The following AFG2A variants were observed in gnomAD, a reference collection of about 807,000 sequenced individuals.
The protein encoded by AFG2A is ATPase family gene 2 protein homolog A.
the AFG2A span, among the ~76,000 whole-genome samples, chr4:123,182,729 A>G: frequency 3.3e-5 from 5 of 152,202 alleles, no homozygotes; most frequent in African/African-American, 1.2e-4. Flanking sequence ...CAATTGAAAG[A>G]TAGTTAATTC....
chr4:123,266,423 T>A, the AFG2A span, among the ~76,000 whole-genome samples: 4 of 151,982 alleles, frequency 2.6e-5, no homozygotes, highest in African/African-American at 9.7e-5. Flanking sequence ...TTTGTTATAA[T>A]CAGCAAATTT....
the AFG2A span, among the ~76,000 whole-genome samples, chr4:123,194,063 G>A: frequency 2.0e-5 from 3 of 152,154 alleles, no homozygotes; most frequent in East Asian, 1.9e-4. Context: ...TTTCCACTGC[G>A]TCCTAGGGTG....
the AFG2A span, among the ~76,000 whole-genome samples, chr4:123,261,808 CT>C: frequency 6.6e-6 from 1 of 152,046 alleles, no homozygotes; most frequent in Non-Finnish European, 1.5e-5. Flanking sequence ...GAGACAGGGT[CT>C]CATTCTATTG....
chr4:123,171,143 T>C, the AFG2A span, among the ~76,000 whole-genome samples: 44 of 152,324 alleles, frequency 2.9e-4, no homozygotes, highest in South Asian at 6.8e-3. Context: ...TGTATTTCAG[T>C]TTCCATGTCT....
At chr4:122,996,547 A>T in the AFG2A span, among the ~76,000 whole-genome samples, 1,838 of 151,402 alleles carry the variant, frequency 0.012, 42 homozygotes, top group African/African-American at 0.041. Flanking sequence ...AGAGGTAGCT[A>T]GGTAGATAGC....
At chr4:122,939,633 A>ATT in the AFG2A span, among the ~76,000 whole-genome samples, 7 of 147,608 alleles carry the variant, frequency 4.7e-5, no homozygotes, top group South Asian at 4.3e-4. Context: ...GTCATTTAGA[A>ATT]TTTTTTTTTT....
At chr4:123,173,785 A>G in the AFG2A span, among the ~76,000 whole-genome samples, 2 of 152,228 alleles carry the variant, frequency 1.3e-5, no homozygotes, top group African/African-American at 4.8e-5. Context: ...GTCTAAAAGT[A>G]TGCTTTGAAA....
At chr4:123,252,505 AAAG>A in the AFG2A span, among the ~76,000 whole-genome samples, 1 of 152,196 alleles carries the variant, frequency 6.6e-6, no homozygotes, top group African/African-American at 2.4e-5. Flanking sequence ...CTGCTTAGTC[AAAG>A]AAGATAATCT....
the AFG2A span, among the ~76,000 whole-genome samples, chr4:123,234,709 A>AATAT: frequency 6.6e-6 from 1 of 152,174 alleles, no homozygotes; most frequent in Non-Finnish European, 1.5e-5. Flanking sequence ...CAAAGCAAGG[A>AATAT]ATATGGCTTC....
the AFG2A span, among the ~76,000 whole-genome samples, chr4:123,115,400 T>C: frequency 6.6e-6 from 1 of 151,962 alleles, no homozygotes; most frequent in Non-Finnish European, 1.5e-5. Context: ...GCCAGCAGGG[T>C]GGGTGCGGCG....
At chr4:123,017,372 T>C in the AFG2A span, among the ~76,000 whole-genome samples, 1 of 151,462 alleles carries the variant, frequency 6.6e-6, no homozygotes, top group Non-Finnish European at 1.5e-5. Flanking sequence ...TTTTTTTTTT[T>C]TTCTTTAAAT....
the AFG2A span, among the ~76,000 whole-genome samples, chr4:123,059,998 GTTGT>G: frequency 1.3e-5 from 2 of 152,178 alleles, no homozygotes; most frequent in African/African-American, 2.4e-5. Context: ...TTTTGATGGG[GTTGT>G]TTGTTTTTTT....
the AFG2A span, among the ~76,000 whole-genome samples, chr4:123,060,040 T>A: frequency 6.6e-6 from 1 of 152,216 alleles, no homozygotes; most frequent in Non-Finnish European, 1.5e-5. Context: ...ATCTTAAAGC[T>A]TCAAAATGAT....
At chr4:123,229,303 A>G in the AFG2A span, among the ~76,000 whole-genome samples, 1 of 152,000 alleles carries the variant, frequency 6.6e-6, no homozygotes, top group Non-Finnish European at 1.5e-5. Context: ...TAGCCAGAGC[A>G]AAGAGATTGG....
chr4:123,003,653 C>T, the AFG2A span, among the ~76,000 whole-genome samples: 2 of 152,056 alleles, frequency 1.3e-5, no homozygotes, highest in Non-Finnish European at 2.9e-5. Context: ...GCTGTCTGAT[C>T]ATCCCTCTGG....
the AFG2A span, among the ~76,000 whole-genome samples, chr4:123,049,792 T>A: frequency 6.6e-6 from 1 of 152,054 alleles, no homozygotes. Flanking sequence ...GTTGATCTTT[T>A]ATTTTTTTAG....
At chr4:123,054,349 A>G in the AFG2A span, among the ~76,000 whole-genome samples, 15 of 151,464 alleles carry the variant, frequency 9.9e-5, no homozygotes, top group African/African-American at 3.6e-4. Context: ...CTATTTCGCC[A>G]TCTTGGTGGT....
At chr4:122,973,097 T>C in the AFG2A span, among the ~76,000 whole-genome samples, 1 of 152,196 alleles carries the variant, frequency 6.6e-6, no homozygotes, top group African/African-American at 2.4e-5. Context: ...ATCAGGCATG[T>C]ATTAATTTAG....
At chr4:123,021,927 G>C in the AFG2A span, among the ~76,000 whole-genome samples, 3,300 of 152,000 alleles carry the variant, frequency 0.022, 63 homozygotes, top group Non-Finnish European at 0.036. Flanking sequence ...AGAAAAACAA[G>C]CAATGGGGAA....
Sources: allele counts gnomAD v4.1 joint callset (sites outside exome capture counted in the v4.1 genomes callset), GRCh38; gene constraint gnomAD v4.1.1; transcripts MANE v1.5; gene names NCBI Gene and HGNC (gene_info 2026-07-23, HGNC 2026-07-21).